The following SOCS2 variants were observed in gnomAD, a reference collection of about 807,000 sequenced individuals.
SOCS2 encodes CIS-2.
Under a neutral mutation model 18.6 loss-of-function variants are expected in SOCS2, and 10 were observed. The observed-to-expected ratio is 0.54, with a 90% CI of 0.33 to 0.91. The LOEUF (loss-of-function observed/expected upper bound fraction) is 0.91, where lower values mean the gene tolerates loss of function less well. Among genes scored for constraint, SOCS2 ranks in the 40% least tolerant of loss-of-function variants. The pLI, the probability that SOCS2 is intolerant of heterozygous loss-of-function variation, is 0.02. For missense variants in SOCS2, 231 were observed against 247.2 expected, an observed-to-expected ratio of 0.93 and a Z score of 0.44; for synonymous variants, 104 against 104.0, an observed-to-expected ratio of 1.00 and a Z score of 0.00.
At chr12:93,594,083 G>T in the SOCS2 span, among the ~76,000 whole-genome samples, 2 of 152,102 alleles carry the variant, frequency 1.3e-5, no homozygotes, top group Non-Finnish European at 2.9e-5. Flanking sequence ...GCACCTGGGG[G>T]ATTATGATTA....
intron 1 of SOCS2, chr12:93,573,323 T>G: frequency 1.9e-6 from 1 of 525,524 alleles, no homozygotes; most frequent in Non-Finnish European, 3.3e-6. Flanking sequence ...TGCTCAGGGT[T>G]AGGCTCCCGG....
At chr12:93,618,651 C>T in the SOCS2 span, among the ~76,000 whole-genome samples, 1 of 152,252 alleles carries the variant, frequency 6.6e-6, no homozygotes, top group African/African-American at 2.4e-5. Context: ...CTTTGGATTG[C>T]TGGCTCCCTC....
the SOCS2 span, among the ~76,000 whole-genome samples, chr12:93,613,854 T>A: frequency 6.6e-6 from 1 of 152,090 alleles, no homozygotes; most frequent in Non-Finnish European, 1.5e-5. Flanking sequence ...TTGTACCCCA[T>A]CAACATATAC....
the SOCS2 span, among the ~76,000 whole-genome samples, chr12:93,616,380 T>G: frequency 6.6e-6 from 1 of 152,194 alleles, no homozygotes; most frequent in African/African-American, 2.4e-5. Flanking sequence ...CTGAGGTCTC[T>G]CATAATGACA....
the SOCS2 span, among the ~76,000 whole-genome samples, chr12:93,625,355 T>C: frequency 6.6e-6 from 1 of 152,224 alleles, no homozygotes; most frequent in Admixed American, 6.5e-5. Flanking sequence ...AGTTTTCTAG[T>C]TCATGCAATT....
chr12:93,611,025 G>A, the SOCS2 span, among the ~76,000 whole-genome samples: 1 of 152,072 alleles, frequency 6.6e-6, no homozygotes, highest in Non-Finnish European at 1.5e-5. Flanking sequence ...TACATCCCTA[G>A]GAGGCTGGTG....
At chr12:93,618,839 A>G in the SOCS2 span, among the ~76,000 whole-genome samples, 2 of 152,326 alleles carry the variant, frequency 1.3e-5, no homozygotes, top group African/African-American at 2.4e-5. Context: ...TACCTTGTTT[A>G]TGGTTTGTAT....
the SOCS2 span, among the ~76,000 whole-genome samples, chr12:93,614,635 T>TTTCTTTCTTTATTTCTTTC: frequency 2.7e-5 from 3 of 111,590 alleles, 1 homozygote; most frequent in African/African-American, 1.2e-4. Flanking sequence ...TTCTTTCTTT[T>TTTCTTTCTTTATTTCTTTC]GATGGAGTCT....
chr12:93,570,010 AAGG>A (rs1020426578), upstream of SOCS2: 4 of 152,288 alleles, frequency 2.6e-5, no homozygotes, highest in South Asian at 2.1e-4. Context: ...GTGCGCAGAC[AAGG>A]AGATGAGTTT....
the SOCS2 span, among the ~76,000 whole-genome samples, chr12:93,615,169 A>G: frequency 1.3e-5 from 2 of 152,128 alleles, no homozygotes; most frequent in Non-Finnish European, 2.9e-5. Flanking sequence ...CTTGCTTGAC[A>G]TTCTGAATTG....
chr12:93,597,695 CT>C, the SOCS2 span, among the ~76,000 whole-genome samples: 1 of 152,194 alleles, frequency 6.6e-6, no homozygotes, highest in Non-Finnish European at 1.5e-5. Context: ...TGTAACAATA[CT>C]TATGTAATCA....
the SOCS2 span, among the ~76,000 whole-genome samples, chr12:93,606,614 T>C: frequency 2.6e-5 from 4 of 152,156 alleles, no homozygotes; most frequent in African/African-American, 9.7e-5. Context: ...AGCAAGGCAC[T>C]TTGTGGTGTG....
In SOCS2 at chr12:93,574,821, A is replaced by G; in HGVS notation, c.239A>G (p.Tyr80Cys). The stretch of plus-strand genomic sequence containing the variant: ...ATTAGAGATAGCTCGCATTCAGACT[A>G]CCTACTAACAATATCTGTTAAAACA... The part of the protein sequence containing the change: ...FLIRDSSHSD[Y>C]LLTISVKTSA... Residue 80 changes from tyrosine (Y) to cysteine (C), a missense_variant, in exon 2 of 2, where the codon TAC (tyrosine) becomes TGC (cysteine). By Grantham distance (194) the Tyr-to-Cys change is radical. Coordinates refer to ENST00000551556, the MANE Select transcript of SOCS2 (RefSeq NM_001270471.2). The G allele has an allele frequency of 6.2e-7, 1 of 1,614,158 alleles. No individual in the cohort carries two copies. The highest frequency in any genetic ancestry group is 8.5e-7 in the Non-Finnish European group (1 of 1,179,988).
chr12:93,597,272 A>G, the SOCS2 span, among the ~76,000 whole-genome samples: 6 of 152,280 alleles, frequency 3.9e-5, no homozygotes, highest in Admixed American at 3.3e-4. Flanking sequence ...TGACTCCCAC[A>G]TTCCTAACCC....
At chr12:93,574,123 T>TGTAC in intron 1 of SOCS2, 1 of 152,138 alleles carries the variant, frequency 6.6e-6, no homozygotes, top group Non-Finnish European at 1.5e-5. Flanking sequence ...CAGAAGCTAT[T>TGTAC]GTACTAGAGC....
chr12:93,580,473 T>A (rs1341371264), downstream of SOCS2, among the ~76,000 whole-genome samples: 2 of 151,866 alleles, frequency 1.3e-5, no homozygotes, highest in African/African-American at 4.8e-5. Flanking sequence ...ATACAAAAAT[T>A]AGCCAGGTGT....
rs1429972335 is a variant in SOCS2, at chr12:93,574,953, A to G, written c.371A>G (p.His124Arg). The change falls in exon 2 of 2, where the codon CAT becomes CGT. Residue 124 changes from histidine to arginine, a missense_variant. This residue lies in a region of SOCS2 where 122 missense variants were observed against 127.2 expected (regional missense o/e 0.96). Transcript: ENST00000551556. ...SKLKQFDSVVHLIDYYVQMCK... is the reference protein window; with the variant it reads ...SKLKQFDSVVRLIDYYVQMCK... ...CTTAAACAATTTGACAGTGTGGTTC[A>G]TCTGATCGACTACTATGTTCAGATG... The G allele has an allele frequency of 6.2e-7, 1 of 1,614,212 alleles. No homozygotes were observed.
At chr12:93,593,734 C>T in the SOCS2 span, among the ~76,000 whole-genome samples, 1 of 152,128 alleles carries the variant, frequency 6.6e-6, no homozygotes, top group Non-Finnish European at 1.5e-5. Flanking sequence ...CCTGAAAACT[C>T]ATCTTAAATG....
At chr12:93,593,462 T>G in the SOCS2 span, among the ~76,000 whole-genome samples, 1 of 152,150 alleles carries the variant, frequency 6.6e-6, no homozygotes, top group African/African-American at 2.4e-5. Flanking sequence ...AAATTAGATA[T>G]TAGAATTAAA....
Sources: allele counts gnomAD v4.1 joint callset (sites outside exome capture counted in the v4.1 genomes callset), GRCh38; gene constraint gnomAD v4.1.1; regional missense constraint gnomAD v4.1.1; transcripts MANE v1.5; gene names NCBI Gene and HGNC (gene_info 2026-07-23, HGNC 2026-07-21).